Variants in GRIN2A observed in about 807,000 individuals in gnomAD.
GRIN2A encodes glutamate ionotropic receptor NMDA type subunit 2A.
A neutral mutation model predicts 113.4 loss-of-function variants in GRIN2A; 22 were observed. The ratio of observed to expected loss-of-function variants is 0.19; its 90% confidence interval spans 0.14 to 0.28. The LOEUF (loss-of-function observed/expected upper bound fraction) is 0.28, where lower values mean the gene tolerates loss of function less well. Ranked by LOEUF, GRIN2A falls within the 10% of genes least tolerant of loss-of-function variation. The pLI is 1.00. For synonymous variants in GRIN2A, 827 were observed against 738.4 expected (o/e 1.12, Z -1.94); for missense variants, 1,502 against 1,887.0 (o/e 0.80, Z 3.78).
intron 2 of GRIN2A, among the ~76,000 whole-genome samples, chr16:10,039,288 C>G (rs761131342): frequency 6.6e-6 from 1 of 152,152 alleles, no homozygotes; most frequent in Non-Finnish European, 1.5e-5. Flanking sequence ...CTCTTGCTCA[C>G]GACTCAAAGG....
chr16:9,899,239 G>C (rs2043867596), intron 3 of GRIN2A, among the ~76,000 whole-genome samples: 2 of 151,900 alleles, frequency 1.3e-5, no homozygotes, highest in East Asian at 3.9e-4. Flanking sequence ...AGGAGTTTGA[G>C]ACCAGCCTGG....
At chr16:9,864,959 G>GTGAAATGCATCGTTATGA (rs2043137947) in intron 4 of GRIN2A, among the ~76,000 whole-genome samples, 1 of 152,192 alleles carries the variant, frequency 6.6e-6, no homozygotes, top group Non-Finnish European at 1.5e-5. Context: ...TTGTGCATGG[G>GTGAAATGCATCGTTATGA]TGAAATGCAT....
At chr16:9,943,522 A>C (rs143857578) in intron 2 of GRIN2A, among the ~76,000 whole-genome samples, 227 of 152,314 alleles carry the variant, frequency 1.5e-3, no homozygotes, top group African/African-American at 5.0e-3. Flanking sequence ...TTCCTAGAGC[A>C]TAATAGCAAC....
chr16:10,167,055 G>C (rs1024939271), intron 2 of GRIN2A, among the ~76,000 whole-genome samples: 1 of 152,194 alleles, frequency 6.6e-6, no homozygotes, highest in African/African-American at 2.4e-5. Flanking sequence ...GGAATCAAAA[G>C]TTATACATGG....
At chr16:9,932,533 A>C (rs1225222015) in intron 3 of GRIN2A, among the ~76,000 whole-genome samples, 5 of 150,834 alleles carry the variant, frequency 3.3e-5, no homozygotes, top group African/African-American at 1.2e-4. Context: ...GCACCACCAC[A>C]CCCAGCTAAA....
chr16:9,930,484 C>A (rs2044563205), intron 3 of GRIN2A, among the ~76,000 whole-genome samples: 1 of 152,158 alleles, frequency 6.6e-6, no homozygotes, highest in South Asian at 2.1e-4. Flanking sequence ...GTATCTCTTG[C>A]TGATTTACTT....
At chr16:10,100,592 G>A (rs2048375198) in intron 2 of GRIN2A, among the ~76,000 whole-genome samples, 1 of 152,202 alleles carries the variant, frequency 6.6e-6, no homozygotes, top group Non-Finnish European at 1.5e-5. Flanking sequence ...GATAGTCGTT[G>A]TTATAGTGAT....
At chr16:10,149,767 C>G (rs1054047312) in intron 2 of GRIN2A, among the ~76,000 whole-genome samples, 2 of 152,224 alleles carry the variant, frequency 1.3e-5, no homozygotes, top group African/African-American at 4.8e-5. Context: ...CTCCTACTAT[C>G]CATGCAGCAT....
At chr16:10,111,384 G>A (rs2048610522) in intron 2 of GRIN2A, 1 of 478,038 alleles carries the variant, frequency 2.1e-6, no homozygotes, top group Non-Finnish European at 3.9e-6. Context: ...GCGGCAGCAT[G>A]GCGAACCATC....
intron 2 of GRIN2A, among the ~76,000 whole-genome samples, chr16:10,167,934 C>A (rs1276130420): frequency 6.6e-6 from 1 of 152,148 alleles, no homozygotes; most frequent in Non-Finnish European, 1.5e-5. Flanking sequence ...GAGAATACAA[C>A]TGACTAAAAA....
At chr16:9,953,546 G>C (rs753043801) in intron 2 of GRIN2A, among the ~76,000 whole-genome samples, 2 of 152,140 alleles carry the variant, frequency 1.3e-5, no homozygotes, top group African/African-American at 4.8e-5. Flanking sequence ...ATGAGAAAGG[G>C]GTCAGGGCTG....
intron 2 of GRIN2A, among the ~76,000 whole-genome samples, chr16:10,100,981 G>T (rs565819980): frequency 5.9e-5 from 9 of 152,328 alleles, no homozygotes; most frequent in Admixed American, 5.9e-4. Context: ...GCCACTGGGG[G>T]TGCAGGTTAC....
Position 10,180,991 on chromosome 16 carries a change from G to A in GRIN2A, c.-18-562C>T, listed in dbSNP as rs191852836. On this transcript the variant is annotated intron_variant, in intron 1 of 12. Coordinates refer to ENST00000330684, the MANE Select transcript of GRIN2A (RefSeq NM_001134407.3). The surrounding 1 kb of genome is among the most constrained non-coding windows in gnomAD (Gnocchi z 7.0). ...TGACCCCGCCCCCTACGAGCCCGTC[G>A]TGTGCACCACACACTTTGCTCTACG... 1.1e-4 allele frequency among the ~76,000 whole-genome samples: 17 copies of A among 152,262 alleles called. No homozygotes were observed. The highest frequency in any genetic ancestry group is 9.1e-4 in the Admixed American group (14 of 15,310).
intron 3 of GRIN2A, among the ~76,000 whole-genome samples, chr16:9,912,204 TATGGCAATGATGATG>T (rs1401022555): frequency 1.3e-5 from 2 of 151,950 alleles, no homozygotes; most frequent in Non-Finnish European, 2.9e-5. Context: ...TGTTGGTAAT[TATGGCAATGATGATG>T]ATGGCAATGA....
intron 2 of GRIN2A, among the ~76,000 whole-genome samples, chr16:9,996,746 C>T (rs2046230646): frequency 6.6e-6 from 1 of 152,084 alleles, no homozygotes; most frequent in Admixed American, 6.6e-5. Context: ...CACTACAGCA[C>T]CTAGCACATA....
At chr16:9,842,932 A>G (rs2141350717) in intron 5 of GRIN2A, among the ~76,000 whole-genome samples, 1 of 145,232 alleles carries the variant, frequency 6.9e-6, no homozygotes, top group Admixed American at 6.9e-5. Flanking sequence ...CTCTGTCGAG[A>G]GAAAGAGAGA....
intron 2 of GRIN2A, among the ~76,000 whole-genome samples, chr16:10,076,758 G>A (rs1193319304): frequency 1.3e-5 from 2 of 152,158 alleles, no homozygotes; most frequent in Non-Finnish European, 2.9e-5. Context: ...CATTCCATCT[G>A]CAGCTACCTA....
At position 9,756,777 on chromosome 16, in the gene GRIN2A, A is replaced by G. The variant is rs1900365574; in HGVS notation, c.*6372T>C. On this transcript the variant is annotated 3_prime_UTR_variant, in exon 13 of 13. Transcript: ENST00000330684. ...TGGCAAGTACTTGCGATAAGCAGAA[A>G]ATGTAACATTCCAAGAATGCACAGA... The G allele has an allele frequency of 5.5e-6, 1 of 182,546 alleles. No individual in the cohort carries two copies. Among genetic ancestry groups the G allele is most frequent in the East Asian group, 9.0e-5 (1 of 11,164 alleles). 11.3% of individuals were successfully genotyped at this position (182,546 alleles called of 1,614,324 possible).
chr16:9,990,002 T>C (rs1005668371), intron 2 of GRIN2A, among the ~76,000 whole-genome samples: 5 of 152,174 alleles, frequency 3.3e-5, no homozygotes, highest in Non-Finnish European at 7.4e-5. Flanking sequence ...AAAATAGAAT[T>C]ACCATTCTAC....
Sources: allele counts gnomAD v4.1 joint callset (sites outside exome capture counted in the v4.1 genomes callset), GRCh38; gene constraint gnomAD v4.1.1; non-coding constraint Gnocchi (gnomAD v3.1); transcripts MANE v1.5; gene names NCBI Gene and HGNC (gene_info 2026-07-23, HGNC 2026-07-21).